The following RAB3C variants were observed in gnomAD, a reference collection of about 807,000 sequenced individuals.
RAB3C encodes the protein ras-related protein Rab-3C.
RAB3C carries 17 observed loss-of-function variants against 26.4 expected under a neutral mutation model. The ratio of observed to expected loss-of-function variants is 0.64; its 90% CI spans 0.44 to 0.97. RAB3C has a LOEUF of 0.97. RAB3C is among the 50% of genes least tolerant of loss of function. The pLI is 0.00. For synonymous variants in RAB3C, 91 were observed against 95.9 expected, an observed-to-expected ratio of 0.95 and a Z score of 0.30; for missense variants, 242 against 281.9, an observed-to-expected ratio of 0.86 and a Z score of 1.01.
intron 2 of RAB3C, among the ~76,000 whole-genome samples, chr5:58,673,996 T>G (rs1579850799): frequency 6.6e-6 from 1 of 152,218 alleles, no homozygotes; most frequent in East Asian, 1.9e-4. Context: ...TTAAAGTACA[T>G]TTAGTGGATT....
At chr5:58,699,930 G>A (rs932552599) in intron 2 of RAB3C, among the ~76,000 whole-genome samples, 4 of 152,174 alleles carry the variant, frequency 2.6e-5, no homozygotes, top group South Asian at 2.1e-4. Context: ...TGGGTGAGGC[G>A]ATGCCATGCC....
intron 3 of RAB3C, among the ~76,000 whole-genome samples, chr5:58,789,533 A>G (rs1165797916): frequency 1.3e-5 from 2 of 152,190 alleles, no homozygotes; most frequent in Non-Finnish European, 2.9e-5. Flanking sequence ...CTGAAAGTCA[A>G]TACTATTCCC....
upstream of RAB3C, chr5:58,582,340 G>C: frequency 5.2e-6 from 5 of 957,446 alleles, no homozygotes; most frequent in Non-Finnish European, 6.2e-6. Context: ...TTCCTACGTA[G>C]AGCCCTAACC....
intron 3 of RAB3C, among the ~76,000 whole-genome samples, chr5:58,819,713 TAAAAA>T (rs5868138): frequency 0.5 from 75,568 of 151,506 alleles, 19,293 homozygotes; most frequent in Middle Eastern, 0.67. Context: ...TGTCTCTACT[TAAAAA>T]AAATAAAAAA....
intron 2 of RAB3C, among the ~76,000 whole-genome samples, chr5:58,619,295 A>G (rs1746885651): frequency 6.6e-6 from 1 of 152,134 alleles, no homozygotes. Context: ...GTTCCTTTTC[A>G]GAAACTTGAC....
intron 3 of RAB3C, among the ~76,000 whole-genome samples, chr5:58,814,286 A>G (rs1260569085): frequency 1.3e-5 from 2 of 152,128 alleles, no homozygotes. Context: ...TTCTCCTTGG[A>G]AATCCCAACT....
intron 2 of RAB3C, among the ~76,000 whole-genome samples, chr5:58,696,939 C>T (rs941513123): frequency 6.6e-6 from 1 of 152,120 alleles, no homozygotes; most frequent in South Asian, 2.1e-4. Flanking sequence ...CTGCTCTGAT[C>T]TTATTTATTT....
At chr5:58,830,912 G>A (rs1442872871) in intron 4 of RAB3C, among the ~76,000 whole-genome samples, 1 of 151,648 alleles carries the variant, frequency 6.6e-6, no homozygotes, top group East Asian at 1.9e-4. Context: ...TTGCTCTGTT[G>A]CCCAGGCTGG....
At position 58,743,296 on chromosome 5, in the gene RAB3C, A is replaced by G. The variant is rs867019555; in HGVS notation, c.371+17176A>G. ...TTTAAGATACTAGTTCTCAATCCAG[A>G]CCATATATTAGAGTCTCCTGGAGAT... On this transcript the variant is annotated intron_variant, in intron 3 of 4. Transcript: ENST00000282878. 2.6e-5 allele frequency among the ~76,000 whole-genome samples: 4 copies of G among 152,124 alleles called. No individual in the cohort carries two copies. In the South Asian group the frequency reaches 8.3e-4, roughly 32 times the overall value.
At position 58,853,078 on chromosome 5, in the gene RAB3C, A is replaced by G. The variant is rs976293642; in HGVS notation, c.*1727A>G. On this transcript the variant is annotated 3_prime_UTR_variant, in exon 5 of 5. Coordinates refer to ENST00000282878, the MANE Select transcript of RAB3C (RefSeq NM_138453.4). Reference sequence around the variant, plus strand: ...TTCTCACCTTCCTAGTTGAAGATCCACTAATCAGTAGTACATTTCTACTTT... The same window carrying G: ...TTCTCACCTTCCTAGTTGAAGATCCGCTAATCAGTAGTACATTTCTACTTT... 1 of 152,228 alleles carries G rather than the reference A, an allele frequency of 6.6e-6. No homozygotes were observed. Among genetic ancestry groups the G allele is most frequent in the African/African-American group, 2.4e-5 (1 of 41,456 alleles). 9.4% of individuals were successfully genotyped at this position (152,228 alleles called of 1,614,324 possible). A position where few individuals can be genotyped will look rare whatever the true frequency, so the allele number is the denominator to read the frequency against.
intron 3 of RAB3C, among the ~76,000 whole-genome samples, chr5:58,796,892 T>C (rs1033317907): frequency 1.3e-5 from 2 of 151,876 alleles, no homozygotes; most frequent in African/African-American, 4.8e-5. Context: ...TCATCTTCCC[T>C]GGGCACAGAG....
intron 2 of RAB3C, among the ~76,000 whole-genome samples, chr5:58,653,002 AGG>A (rs1747691153): frequency 6.6e-6 from 1 of 152,114 alleles, no homozygotes. Flanking sequence ...TTTAACTTCT[AGG>A]ATACAAGTGC....
intron 2 of RAB3C, among the ~76,000 whole-genome samples, chr5:58,676,493 ACT>A (rs1561286232): frequency 6.6e-6 from 1 of 151,698 alleles, no homozygotes; most frequent in Non-Finnish European, 1.5e-5. Context: ...ACAGAGCAAG[ACT>A]CTGTTGCCAA....
chr5:58,649,836 G>A (rs1194860766), intron 2 of RAB3C, among the ~76,000 whole-genome samples: 4 of 152,120 alleles, frequency 2.6e-5, no homozygotes, highest in South Asian at 2.1e-4. Flanking sequence ...CTCTGCTAAC[G>A]TTTTAATGGT....
intron 2 of RAB3C, among the ~76,000 whole-genome samples, chr5:58,693,602 A>C (rs1348444499): frequency 6.6e-6 from 1 of 152,126 alleles, no homozygotes; most frequent in Non-Finnish European, 1.5e-5. Context: ...GAAATTGAAA[A>C]GTGACTCCAA....
chr5:58,671,690 T>C (rs562603990), intron 2 of RAB3C, among the ~76,000 whole-genome samples: 4 of 152,282 alleles, frequency 2.6e-5, no homozygotes, highest in African/African-American at 7.2e-5. Flanking sequence ...CAAAACAAAA[T>C]ATAATTTGAA....
At chr5:58,625,278 T>C (rs566189445) in intron 2 of RAB3C, among the ~76,000 whole-genome samples, 17 of 152,248 alleles carry the variant, frequency 1.1e-4, no homozygotes, top group Admixed American at 9.2e-4. Flanking sequence ...CTTTATAAGG[T>C]AAGAGGAAAC....
At chr5:58,653,133 C>T (rs990272375) in intron 2 of RAB3C, among the ~76,000 whole-genome samples, 1 of 151,992 alleles carries the variant, frequency 6.6e-6, no homozygotes, top group Non-Finnish European at 1.5e-5. Context: ...TTGCCCCCCA[C>T]CCTCTGACAG....
intron 2 of RAB3C, among the ~76,000 whole-genome samples, chr5:58,712,313 C>G (rs1477939690): frequency 2.6e-5 from 4 of 151,896 alleles, no homozygotes; most frequent in Non-Finnish European, 4.4e-5. Flanking sequence ...TCTCAGTACC[C>G]CACACAATGC....
Sources: gnomAD v4.1 joint callset for allele counts (sites outside exome capture counted in the v4.1 genomes callset) on GRCh38, gnomAD v4.1.1 for gene constraint, MANE v1.5 for transcripts, NCBI Gene and HGNC (gene_info 2026-07-23, HGNC 2026-07-21) for gene names.